The following NPIPB2 variants were observed in gnomAD, a reference collection of about 807,000 sequenced individuals.
NPIPB2 encodes nuclear pore complex interacting protein family member B2, also known as nuclear pore complex-interacting protein family member B2.
NPIPB2 carries 27 observed loss-of-function variants against 30.8 expected under a neutral mutation model. The ratio of observed to expected loss-of-function variants is 0.88; its 90% CI spans 0.65 to 1.21. The LOEUF (loss-of-function observed/expected upper bound fraction) is 1.21, where lower values mean the gene tolerates loss of function less well. Among genes scored for constraint, NPIPB2 ranks in the 50% most tolerant of loss-of-function variants. The pLI is 0.00. For missense variants in NPIPB2, 440 were observed against 446.2 expected (o/e 0.99, Z 0.13); for synonymous variants, 147 against 162.0 (o/e 0.91, Z 0.70).
At position 11,937,901 on chromosome 16, in the gene NPIPB2, A is replaced by G. The variant is rs62040808; in HGVS notation, c.64-233T>C. Among the ~76,000 whole-genome samples, 1,065 of 152,312 alleles carry G rather than the reference A, an allele frequency of 7.0e-3. 5 individuals carry two copies. Among genetic ancestry groups the G allele is most frequent in the Non-Finnish European group, 0.012 (800 of 68,016 alleles). On this transcript the variant is annotated intron_variant, in intron 1 of 7. Transcript: ENST00000399147. ...AATGTGGGGTGTTGTCTTTCTTGGT[A>G]TAAAGCAGGGATATCCAATCTTTTG...
intron 1 of NPIPB2, among the ~76,000 whole-genome samples, chr16:11,971,157 T>G (rs1377719922): frequency 6.6e-6 from 1 of 152,036 alleles, no homozygotes; most frequent in African/African-American, 2.4e-5. Flanking sequence ...ACGCCTGGCC[T>G]AAAATCAGCA....
chr16:11,957,401 G>T (rs1339718929), intron 1 of NPIPB2, among the ~76,000 whole-genome samples: 1 of 152,002 alleles, frequency 6.6e-6, no homozygotes, highest in African/African-American at 2.4e-5. Context: ...CTGACCTCGT[G>T]ACCCACCTGC....
At chr16:11,936,278 T>C (rs2054866748) in intron 2 of NPIPB2, among the ~76,000 whole-genome samples, 1 of 151,044 alleles carries the variant, frequency 6.6e-6, no homozygotes, top group African/African-American at 2.4e-5. Flanking sequence ...TACTCCAGCC[T>C]GGGCAACAGA....
chr16:11,927,502 C>A, exon 8 of NPIPB2: 2 of 1,515,284 alleles, frequency 1.3e-6, no homozygotes, highest in African/African-American at 1.4e-5. Context: ...CAGCGGCCCT[C>A]CGCCTCTTGG....
At chr16:11,969,406 G>A (rs779138311) in intron 1 of NPIPB2, among the ~76,000 whole-genome samples, 5 of 152,062 alleles carry the variant, frequency 3.3e-5, no homozygotes, top group South Asian at 2.1e-4. Context: ...ACAGGTGCCC[G>A]CCACTGCGCC....
upstream of NPIPB2, chr16:11,942,087 A>G: frequency 6.6e-7 from 1 of 1,525,376 alleles, no homozygotes; most frequent in Non-Finnish European, 8.8e-7. Context: ...CATCTCCATC[A>G]CATCCATGTA....
chr16:11,963,336 C>T (rs576892798), intron 1 of NPIPB2, among the ~76,000 whole-genome samples: 193 of 149,346 alleles, frequency 1.3e-3, no homozygotes, highest in African/African-American at 4.4e-3. Flanking sequence ...GCCGAGATCG[C>T]GCCATTGCAC....
chr16:11,974,077 T>A (rs578147400), intron 1 of NPIPB2, among the ~76,000 whole-genome samples: 11 of 152,320 alleles, frequency 7.2e-5, no homozygotes, highest in Middle Eastern at 3.4e-3. Flanking sequence ...TTTAGGCAGA[T>A]GAAGGAACTT....
At chr16:11,941,550 G>T (rs923673414) in intron 1 of NPIPB2, among the ~76,000 whole-genome samples, 17 of 151,874 alleles carry the variant, frequency 1.1e-4, no homozygotes, top group African/African-American at 4.1e-4. Flanking sequence ...GAAGATCAGG[G>T]AAGCAACAGG....
chr16:11,965,912 C>A (rs985465522), intron 1 of NPIPB2, among the ~76,000 whole-genome samples: 46 of 152,196 alleles, frequency 3.0e-4, no homozygotes, highest in African/African-American at 1.1e-3. Context: ...CAGTTTGAGG[C>A]CAGCCTGGCC....
chr16:11,969,413 C>A (rs542481222), intron 1 of NPIPB2, among the ~76,000 whole-genome samples: 1 of 151,988 alleles, frequency 6.6e-6, no homozygotes, highest in Non-Finnish European at 1.5e-5. Flanking sequence ...CCCGCCACTG[C>A]GCCTGGCTAA....
At chr16:11,974,157 G>C (rs556810141) in intron 1 of NPIPB2, among the ~76,000 whole-genome samples, 2 of 152,242 alleles carry the variant, frequency 1.3e-5, no homozygotes, top group Admixed American at 6.5e-5. Context: ...CTTCAGTCCA[G>C]CAGGTCAAAA....
At chr16:11,972,613 G>C (rs778914557) in intron 1 of NPIPB2, among the ~76,000 whole-genome samples, 1 of 151,976 alleles carries the variant, frequency 6.6e-6, no homozygotes, top group Non-Finnish European at 1.5e-5. Flanking sequence ...GGTGGCTCAC[G>C]CCTGTAATCC....
chr16:11,945,855 C>G (rs1338218887), upstream of NPIPB2, among the ~76,000 whole-genome samples: 3 of 151,858 alleles, frequency 2.0e-5, no homozygotes, highest in African/African-American at 7.2e-5. Flanking sequence ...TTATTTAAAG[C>G]ATTATTCTTT....
intron 1 of NPIPB2, among the ~76,000 whole-genome samples, chr16:11,950,578 C>T (rs1470294164): frequency 6.6e-6 from 1 of 152,046 alleles, no homozygotes; most frequent in African/African-American, 2.4e-5. Context: ...ATGCAAAGTC[C>T]CTACCAACTC....
intron 1 of NPIPB2, among the ~76,000 whole-genome samples, chr16:11,972,144 T>C (rs2055239773): frequency 2.0e-5 from 3 of 151,658 alleles, no homozygotes; most frequent in African/African-American, 4.8e-5. Context: ...CGAGACTCTG[T>C]CTCAAAAAAA....
intron 1 of NPIPB2, among the ~76,000 whole-genome samples, chr16:11,974,802 G>C (rs988723143): frequency 2.0e-5 from 3 of 152,066 alleles, no homozygotes; most frequent in Admixed American, 6.6e-5. Context: ...TGCAGGGCGC[G>C]GTGGCTCACG....
intron 1 of NPIPB2, among the ~76,000 whole-genome samples, chr16:11,959,601 A>G (rs901198347): frequency 5.9e-5 from 9 of 152,100 alleles, no homozygotes; most frequent in African/African-American, 1.9e-4. Context: ...AAAAAAAATC[A>G]TATTATTAAA....
upstream of NPIPB2, among the ~76,000 whole-genome samples, chr16:11,943,968 A>G (rs2054972482): frequency 8.8e-6 from 1 of 114,054 alleles, no homozygotes; most frequent in Non-Finnish European, 1.7e-5. Context: ...ACTGCACTCC[A>G]GCCTGGGTGA....
Sources: gnomAD v4.1 joint callset for allele counts (sites outside exome capture counted in the v4.1 genomes callset) on GRCh38, gnomAD v4.1.1 for gene constraint, MANE v1.5 for transcripts, NCBI Gene and HGNC (gene_info 2026-07-23, HGNC 2026-07-21) for gene names.